The following NUDCD1 variants were observed in gnomAD, a reference collection of about 807,000 sequenced individuals.
NUDCD1 encodes NudC domain containing 1.
In NUDCD1, 60 loss-of-function variants were observed where a neutral mutation model predicts 67.8. The observed-to-expected ratio is 0.88, with a 90% confidence interval of 0.72 to 1.10. The LOEUF (loss-of-function observed/expected upper bound fraction) is 1.10, where lower values mean the gene tolerates loss of function less well. Among genes scored for constraint, NUDCD1 ranks in the 50% least tolerant of loss-of-function variants. The probability of loss-of-function intolerance (pLI) is 0.00; values close to 1 mark genes in which losing one functional copy is unlikely to be tolerated. For missense variants in NUDCD1, 643 were observed against 695.0 expected (o/e 0.93, Z 0.84); for synonymous variants, 244 against 230.8 (o/e 1.06, Z -0.52).
chr8:109,296,502 C>T lies in NUDCD1; in HGVS notation c.341G>A (p.Arg114His), dbSNP rs760887727. The change falls in exon 3 of 10, where the codon CGT becomes CAT. Residue 114 changes from arginine (R) to histidine (H), a missense_variant. By Grantham distance (29) the Arg-to-His change is conservative (BLOSUM62 0). Transcript: ENST00000239690. The part of the protein sequence containing the change: ...LPTDLTACDN[R>H]LCASIHFSSS... ...TGAGAAATGGATAGATGCACAAAGA[C>T]GGTTGTCACATGCTGTCAAATCTGT... is the stretch of plus-strand genomic sequence containing the variant. The T allele has an allele frequency of 8.1e-6, 13 of 1,613,100 alleles. No individual in the cohort carries two copies. Among genetic ancestry groups the T allele is most frequent in the East Asian group, 2.2e-5 (1 of 44,858 alleles).
chr8:109,275,460 C>G lies in NUDCD1; in HGVS notation c.1065G>C (p.Leu355=). 1.9e-6 allele frequency: 3 copies of G among 1,613,544 alleles called. No individual in the cohort carries two copies. The highest frequency in any genetic ancestry group is 2.5e-6 in the Non-Finnish European group (3 of 1,179,592). ...CTCCAATTACTAGCTCTGGCCAGGT[C>G]AGTCCTTCATTCTTCTTAATCAAGG... ...EISLIKKNEG[L]TWPELVIGDK... The change falls in exon 7 of 10, where the codon CTG becomes CTC. Residue 355 remains leucine (L), a synonymous_variant. Coordinates refer to ENST00000239690, the MANE Select transcript of NUDCD1 (RefSeq NM_032869.4).
intron 2 of NUDCD1, chr8:109,313,695 A>G: frequency 2.3e-6 from 1 of 431,174 alleles, no homozygotes; most frequent in South Asian, 1.7e-5. Flanking sequence ...CATTTAATCT[A>G]ATAAACCATT....
chr8:109,310,774 C>T (rs1490048434), intron 2 of NUDCD1, among the ~76,000 whole-genome samples: 1 of 150,806 alleles, frequency 6.6e-6, no homozygotes, highest in African/African-American at 2.4e-5. Context: ...AAAACAATCC[C>T]ATCAAAAAGT....
intron 7 of NUDCD1, among the ~76,000 whole-genome samples, chr8:109,271,462 A>G (rs564502929): frequency 6.6e-6 from 1 of 152,324 alleles, no homozygotes; most frequent in African/African-American, 2.4e-5. Flanking sequence ...TGTGACAGAC[A>G]GCTGATTAGA....
intron 8 of NUDCD1, among the ~76,000 whole-genome samples, chr8:109,268,872 A>T (rs1434360110): frequency 6.6e-6 from 1 of 152,196 alleles, no homozygotes; most frequent in African/African-American, 2.4e-5. Flanking sequence ...TCAGGGAATC[A>T]TGTATGGGAT....
intron 2 of NUDCD1, among the ~76,000 whole-genome samples, chr8:109,303,015 A>T (rs539030156): frequency 5.6e-4 from 85 of 152,256 alleles, no homozygotes; most frequent in African/African-American, 2.0e-3. Flanking sequence ...GCACACCAAA[A>T]CTTCAAAAAG....
intron 1 of NUDCD1, 39 bp downstream of exon 1, chr8:109,333,854 G>A (rs778084815): frequency 1.9e-6 from 3 of 1,609,702 alleles, no homozygotes; most frequent in South Asian, 1.1e-5. Flanking sequence ...AGCCGAAAGG[G>A]GAAAGGAACG....
At chr8:109,306,833 T>A (rs745768347) in intron 2 of NUDCD1, among the ~76,000 whole-genome samples, 6 of 152,112 alleles carry the variant, frequency 3.9e-5, no homozygotes, top group Middle Eastern at 3.4e-3. Flanking sequence ...AACCCCACAA[T>A]ATCACCCCTT....
intron 1 of NUDCD1, among the ~76,000 whole-genome samples, chr8:109,331,616 C>T (rs1304412687): frequency 6.6e-6 from 1 of 151,406 alleles, no homozygotes; most frequent in Non-Finnish European, 1.5e-5. Context: ...GAAATGAGTA[C>T]GGAACAAGGA....
intron 6 of NUDCD1, among the ~76,000 whole-genome samples, chr8:109,279,793 A>C (rs1285598009): frequency 6.6e-6 from 1 of 151,902 alleles, no homozygotes; most frequent in African/African-American, 2.4e-5. Context: ...CACCACGCCC[A>C]GCTAATTTTT....
intron 8 of NUDCD1, among the ~76,000 whole-genome samples, chr8:109,257,267 T>C (rs765033185): frequency 6.6e-5 from 10 of 152,072 alleles, no homozygotes; most frequent in Non-Finnish European, 1.3e-4. Flanking sequence ...TACAATAAAG[T>C]AACTGGAAAG....
At chr8:109,325,482 C>A (rs1365141628) in intron 1 of NUDCD1, among the ~76,000 whole-genome samples, 1 of 152,110 alleles carries the variant, frequency 6.6e-6, no homozygotes, top group Non-Finnish European at 1.5e-5. Flanking sequence ...ATCAATTTAA[C>A]ATATTTTTAA....
At chr8:109,264,373 A>G (rs1183594547) in intron 8 of NUDCD1, among the ~76,000 whole-genome samples, 1 of 152,202 alleles carries the variant, frequency 6.6e-6, no homozygotes, top group African/African-American at 2.4e-5. Context: ...CCATGAGGAT[A>G]ATAGCCTGCC....
intron 1 of NUDCD1, 140 bp from the exon 2 acceptor site, chr8:109,322,603 T>C: frequency 3.5e-6 from 2 of 573,400 alleles, no homozygotes; most frequent in Middle Eastern, 4.7e-4. Flanking sequence ...TATATCATTC[T>C]TTCAAAGATA....
At chr8:109,302,943 A>T (rs1365300385) in intron 2 of NUDCD1, among the ~76,000 whole-genome samples, 1 of 152,214 alleles carries the variant, frequency 6.6e-6, no homozygotes, top group Non-Finnish European at 1.5e-5. Flanking sequence ...AAGATGTACA[A>T]TAATAAAGAA....
chr8:109,302,261 G>A (rs888618827), intron 2 of NUDCD1, among the ~76,000 whole-genome samples: 9 of 152,098 alleles, frequency 5.9e-5, no homozygotes, highest in African/African-American at 2.2e-4. Flanking sequence ...CATCATACAA[G>A]ATCTAGATAA....
intron 2 of NUDCD1, among the ~76,000 whole-genome samples, chr8:109,302,647 T>G (rs1815016646): frequency 1.3e-5 from 2 of 152,204 alleles, no homozygotes; most frequent in Non-Finnish European, 2.9e-5. Flanking sequence ...TAGAGGTGGC[T>G]GGAGATGAAG....
At chr8:109,281,284 A>AC (rs1814432809) in intron 5 of NUDCD1, 112 bp from the exon 6 acceptor site, 1 of 638,562 alleles carries the variant, frequency 1.6e-6, no homozygotes, top group Non-Finnish European at 2.7e-6. Flanking sequence ...ATCTCACAAA[A>AC]CGTAATTATA....
chr8:109,311,011 TC>T (rs1248546529), intron 2 of NUDCD1, among the ~76,000 whole-genome samples: 2 of 151,722 alleles, frequency 1.3e-5, no homozygotes, highest in Non-Finnish European at 2.9e-5. Flanking sequence ...AGATGGGGTT[TC>T]ACCATGTTGG....
Sources: allele counts gnomAD v4.1 joint callset (sites outside exome capture counted in the v4.1 genomes callset), GRCh38; gene constraint gnomAD v4.1.1; transcripts MANE v1.5; gene names NCBI Gene and HGNC (gene_info 2026-07-23, HGNC 2026-07-21).